The following ENOX1 variants were observed in gnomAD, a reference collection of about 807,000 sequenced individuals.
The protein encoded by ENOX1 is candidate growth-related and time keeping constitutive hydroquinone (NADH) oxidase.
Under a neutral mutation model 82.5 loss-of-function variants are expected in ENOX1, and 42 were observed. That is an observed-to-expected ratio of 0.51 (90% confidence interval 0.40 to 0.66). The LOEUF (loss-of-function observed/expected upper bound fraction) is 0.66, where lower values mean the gene tolerates loss of function less well. Among genes scored for constraint, ENOX1 ranks in the 30% least tolerant of loss-of-function variants. ENOX1 has a pLI of 0.00. For synonymous variants in ENOX1, 271 were observed against 282.2 expected (o/e 0.96, Z 0.40); for missense variants, 608 against 811.6 (o/e 0.75, Z 3.05).
chr13:43,325,504 T>C (rs1002505032), intron 10 of ENOX1, among the ~76,000 whole-genome samples: 3 of 152,246 alleles, frequency 2.0e-5, no homozygotes, highest in Non-Finnish European at 4.4e-5. Flanking sequence ...AAATGATTGA[T>C]ATCATAGTAC....
intron 1 of ENOX1, among the ~76,000 whole-genome samples, chr13:43,781,813 G>C (rs879797928): frequency 6.6e-6 from 1 of 152,094 alleles, no homozygotes. Flanking sequence ...GCCCGGCCTT[G>C]TCCACTATTT....
chr13:43,520,092 T>C (rs989633984), intron 2 of ENOX1, among the ~76,000 whole-genome samples: 18 of 152,214 alleles, frequency 1.2e-4, no homozygotes, highest in African/African-American at 4.1e-4. Flanking sequence ...GCTTAGCTCA[T>C]AGTAAATGCT....
chr13:43,250,075 TA>T (rs60683990), intron 14 of ENOX1, among the ~76,000 whole-genome samples: 4,781 of 152,318 alleles, frequency 0.031, 283 homozygotes, highest in African/African-American at 0.11. Flanking sequence ...TTTTATAGAT[TA>T]AACACTGAGG....
At chr13:43,466,342 T>C (rs1350311067) in intron 3 of ENOX1, among the ~76,000 whole-genome samples, 1 of 152,128 alleles carries the variant, frequency 6.6e-6, no homozygotes, top group African/African-American at 2.4e-5. Flanking sequence ...ATAAAATGCA[T>C]CTCTGAAAAT....
At chr13:43,722,684 G>C (rs2088660151) in intron 1 of ENOX1, among the ~76,000 whole-genome samples, 1 of 151,844 alleles carries the variant, frequency 6.6e-6, no homozygotes, top group East Asian at 1.9e-4. Flanking sequence ...AATCCATAAA[G>C]TGGGTAAAAT....
chr13:43,312,321 G>A lies in ENOX1; in HGVS notation c.1261+10063C>T, dbSNP rs996226393. Among the ~76,000 whole-genome samples, 4 of 152,096 alleles carry A rather than the reference G, an allele frequency of 2.6e-5. No individual in the cohort carries two copies. In the East Asian group the frequency reaches 5.8e-4, roughly 22 times the overall value. ...GGCACATCTCATAAAGAAAAGCCTC[G>A]GGAATAGAGAAACAGGGAGAGGCAC... On this transcript the variant is annotated intron_variant, in intron 11 of 16. Coordinates refer to ENST00000690772, the MANE Select transcript of ENOX1 (RefSeq NM_001347969.2).
intron 1 of ENOX1, among the ~76,000 whole-genome samples, chr13:43,684,520 T>G (rs1291864421): frequency 6.6e-6 from 1 of 152,178 alleles, no homozygotes; most frequent in Non-Finnish European, 1.5e-5. Flanking sequence ...TGAAGGGTGA[T>G]CCAAAGTCCT....
intron 5 of ENOX1, among the ~76,000 whole-genome samples, chr13:43,409,040 C>CAA (rs11424006): frequency 5.2e-3 from 459 of 87,622 alleles, no homozygotes; most frequent in African/African-American, 8.4e-3. Context: ...AAATATAAAC[C>CAA]AAAAAAAAAA....
chr13:43,463,146 G>A (rs994927073), intron 3 of ENOX1, among the ~76,000 whole-genome samples: 11 of 151,998 alleles, frequency 7.2e-5, no homozygotes, highest in African/African-American at 2.7e-4. Context: ...AGCAAATGAT[G>A]CTTTTGTGAA....
intron 5 of ENOX1, among the ~76,000 whole-genome samples, chr13:43,401,992 G>A (rs1331152060): frequency 6.6e-6 from 1 of 151,804 alleles, no homozygotes; most frequent in Non-Finnish European, 1.5e-5. Context: ...AATTCACAAC[G>A]TCTGGCAACC....
chr13:43,471,702 CA>C (rs1256721937), intron 3 of ENOX1, among the ~76,000 whole-genome samples: 1 of 150,562 alleles, frequency 6.6e-6, no homozygotes, highest in Non-Finnish European at 1.5e-5. Flanking sequence ...CCCAGCTACT[CA>C]GGAAGCTGAG....
intron 2 of ENOX1, among the ~76,000 whole-genome samples, chr13:43,635,239 A>G (rs1301718068): frequency 6.6e-6 from 1 of 152,230 alleles, no homozygotes; most frequent in African/African-American, 2.4e-5. Context: ...TCAGTGGGAA[A>G]TGGAAGCTCC....
chr13:43,738,866 T>C (rs916267427), intron 1 of ENOX1, among the ~76,000 whole-genome samples: 2 of 152,196 alleles, frequency 1.3e-5, no homozygotes, highest in Non-Finnish European at 2.9e-5. Flanking sequence ...CCATTTCTGC[T>C]TTCATAGTCC....
intron 2 of ENOX1, among the ~76,000 whole-genome samples, chr13:43,629,755 G>T (rs755320692): frequency 2.6e-5 from 4 of 152,082 alleles, no homozygotes; most frequent in Non-Finnish European, 5.9e-5. Flanking sequence ...ATCTGTTTTT[G>T]CCCTCACATC....
chr13:43,228,327 A>G (rs2042118942), intron 15 of ENOX1, among the ~76,000 whole-genome samples: 1 of 152,190 alleles, frequency 6.6e-6, no homozygotes, highest in African/African-American at 2.4e-5. Flanking sequence ...TGGCTCAACA[A>G]TTGGACTTGC....
At chr13:43,647,668 G>A (rs964029066) in intron 2 of ENOX1, among the ~76,000 whole-genome samples, 1 of 152,164 alleles carries the variant, frequency 6.6e-6, no homozygotes, top group African/African-American at 2.4e-5. Context: ...ATAAATCCAT[G>A]TGACAGGCAG....
At chr13:43,401,313 A>G (rs2053482985) in intron 5 of ENOX1, among the ~76,000 whole-genome samples, 1 of 152,214 alleles carries the variant, frequency 6.6e-6, no homozygotes, top group Non-Finnish European at 1.5e-5. Context: ...AAAATCAAAC[A>G]AAATATATGA....
intron 12 of ENOX1, 95 bp downstream of exon 12, chr13:43,298,248 TCTC>T: frequency 7.9e-7 from 1 of 1,273,748 alleles, no homozygotes; most frequent in South Asian, 1.7e-5. Flanking sequence ...TGTCATTTCT[TCTC>T]CTTCACCCTT....
At chr13:43,683,354 C>G (rs1230049428) in intron 1 of ENOX1, among the ~76,000 whole-genome samples, 2 of 152,110 alleles carry the variant, frequency 1.3e-5, no homozygotes, top group Admixed American at 1.3e-4. Flanking sequence ...TCCACAGTTA[C>G]AGAAGCAGGT....
Sources: allele counts gnomAD v4.1 joint callset (sites outside exome capture counted in the v4.1 genomes callset), GRCh38; gene constraint gnomAD v4.1.1; transcripts MANE v1.5; gene names NCBI Gene and HGNC (gene_info 2026-07-23, HGNC 2026-07-21).